Variants in TRIP12 observed in about 807,000 individuals in gnomAD.
TRIP12 encodes the protein E3 ubiquitin-protein ligase TRIP12.
In TRIP12, 25 loss-of-function variants were observed where a neutral mutation model predicts 244.2. The observed-to-expected ratio is 0.10, with a 90% CI of 0.07 to 0.14. The LOEUF is 0.14. Ranked by LOEUF, TRIP12 falls within the 10% of genes least tolerant of loss-of-function variation. The probability of loss-of-function intolerance (pLI) is 1.00; values close to 1 mark genes in which losing one functional copy is unlikely to be tolerated. For synonymous variants in TRIP12, 905 were observed against 873.1 expected (o/e 1.04, Z -0.64); for missense variants, 1,677 against 2,486.4 (o/e 0.67, Z 6.92).
chr2:229,811,253 C>T, intron 13 of TRIP12, 49 bp from the exon 14 acceptor site: 1 of 1,552,512 alleles, frequency 6.4e-7, no homozygotes, highest in Non-Finnish European at 8.8e-7. Flanking sequence ...AAAGCATTTT[C>T]ACTGTCATGT....
rs775978770 is a variant in TRIP12, at chr2:229,778,568, C to T, written c.5229G>A (p.Lys1743=). ...ACAGGCCCTGGAGGTTTTGAATATA[C>T]TTGGTCCCTTCTTGGCTCCCTGAAA... ...SNPKGSQEGT[K]YIQNLQGLFA... is the part of the protein sequence containing the mutation. The change falls in exon 36 of 42, where the codon AAG becomes AAA. Residue 1743 remains lysine (K), a synonymous_variant. Transcript: ENST00000675903. The surrounding 1 kb of genome is among the most constrained non-coding windows in gnomAD (Gnocchi z 4.1). 26 of 1,613,806 alleles carry T rather than the reference C, an allele frequency of 1.6e-5. 1 individual carries two copies. The highest frequency in any genetic ancestry group is 7.7e-5 in the South Asian group (7 of 91,052).
At chr2:229,920,298 C>A (rs1290220731) in intron 1 of TRIP12, among the ~76,000 whole-genome samples, 2 of 152,130 alleles carry the variant, frequency 1.3e-5, no homozygotes, top group East Asian at 3.9e-4. Flanking sequence ...TCGAGAGGAA[C>A]ATAAAGTTAA....
intron 1 of TRIP12, among the ~76,000 whole-genome samples, chr2:229,882,785 G>A (rs536982654): frequency 2.6e-5 from 4 of 152,290 alleles, no homozygotes; most frequent in African/African-American, 9.6e-5. Context: ...AACTAAGTCA[G>A]GCTAGTTGTT....
At chr2:229,867,428 G>A (rs1388672215) in intron 2 of TRIP12, among the ~76,000 whole-genome samples, 2 of 152,016 alleles carry the variant, frequency 1.3e-5, no homozygotes, top group African/African-American at 4.8e-5. Context: ...AGCTTCCCAA[G>A]TTGTGGGATT....
intron 2 of TRIP12, among the ~76,000 whole-genome samples, chr2:229,864,004 AAGAGAGAGAGAGAGAG>A (rs1163408528): frequency 2.5e-5 from 2 of 81,346 alleles, no homozygotes. Context: ...ATTTGGGTGA[AAGAGAGAGAGAGAGAG>A]AGAGAGAGAG....
chr2:229,824,497 CT>C (rs2050962280), intron 8 of TRIP12, among the ~76,000 whole-genome samples: 1 of 152,090 alleles, frequency 6.6e-6, no homozygotes, highest in African/African-American at 2.4e-5. Context: ...CTACATTTCA[CT>C]GAAGCCTTGC....
intron 5 of TRIP12, among the ~76,000 whole-genome samples, chr2:229,838,558 T>C (rs569472534): frequency 6.6e-6 from 1 of 152,332 alleles, no homozygotes; most frequent in East Asian, 1.9e-4. Context: ...GGAGAGACGG[T>C]TGCAGAGAAC....
At chr2:229,843,063 T>TCC (rs1246783941) in intron 4 of TRIP12, among the ~76,000 whole-genome samples, 1 of 141,038 alleles carries the variant, frequency 7.1e-6, no homozygotes, top group Non-Finnish European at 1.5e-5. Context: ...TCTCTCTCTC[T>TCC]CCCCCACTCC....
intron 1 of TRIP12, among the ~76,000 whole-genome samples, chr2:229,911,626 G>A (rs551922679): frequency 6.6e-6 from 1 of 152,132 alleles, no homozygotes; most frequent in South Asian, 2.1e-4. Context: ...CTGTGATGAT[G>A]GTATGCTAAT....
intron 4 of TRIP12, among the ~76,000 whole-genome samples, chr2:229,849,531 G>A (rs1438523717): frequency 1.3e-5 from 2 of 152,168 alleles, no homozygotes; most frequent in Admixed American, 6.5e-5. Context: ...ATCAGCCACA[G>A]AAAAGGGCAA....
intron 32 of TRIP12, among the ~76,000 whole-genome samples, chr2:229,788,474 C>A (rs2040624081): frequency 6.6e-6 from 1 of 152,174 alleles, no homozygotes; most frequent in Non-Finnish European, 1.5e-5. Flanking sequence ...GTTCTAGAGT[C>A]CCTGACCCAA....
intron 1 of TRIP12, among the ~76,000 whole-genome samples, chr2:229,894,778 T>G (rs2068326460): frequency 1.3e-5 from 2 of 152,332 alleles, no homozygotes; most frequent in African/African-American, 4.8e-5. Flanking sequence ...TTAACGTGCC[T>G]AAGAATTACC....
At chr2:229,795,039 G>A (rs973869360) in intron 26 of TRIP12, 140 bp downstream of exon 26, 1 of 922,812 alleles carries the variant, frequency 1.1e-6, no homozygotes, top group Non-Finnish European at 1.6e-6. Flanking sequence ...TCATTCTTTA[G>A]AGTGCTTAAT....
At chr2:229,902,769 G>C (rs1204672648) in intron 1 of TRIP12, among the ~76,000 whole-genome samples, 1 of 152,136 alleles carries the variant, frequency 6.6e-6, no homozygotes, top group African/African-American at 2.4e-5. Flanking sequence ...AGGGCATCCA[G>C]ACTTAAAAGG....
upstream of TRIP12, chr2:229,922,345 C>A (rs12993164): frequency 3.2e-6 from 2 of 621,660 alleles, no homozygotes; most frequent in Non-Finnish European, 5.6e-6. Context: ...GGAAATTTCA[C>A]GGATCAGGGT....
intron 2 of TRIP12, among the ~76,000 whole-genome samples, chr2:229,874,468 G>A (rs1453027105): frequency 6.6e-6 from 1 of 152,100 alleles, no homozygotes; most frequent in Admixed American, 6.5e-5. Flanking sequence ...ATAGGCATAA[G>A]CAATATTTTT....
chr2:229,831,630 CAAAACAA>C (rs2053414200), intron 6 of TRIP12, among the ~76,000 whole-genome samples: 1 of 151,888 alleles, frequency 6.6e-6, no homozygotes, highest in Non-Finnish European at 1.5e-5. Flanking sequence ...GACTCTGTCT[CAAAACAA>C]AAACAAGAAG....
chr2:229,794,267 A>G (rs1307288120), intron 26 of TRIP12, among the ~76,000 whole-genome samples: 1 of 152,158 alleles, frequency 6.6e-6, no homozygotes, highest in Non-Finnish European at 1.5e-5. Context: ...AAACGTCAAA[A>G]TGTGGATTTA....
chr2:229,922,529 C>A (rs769314957), upstream of TRIP12: 51 of 1,613,554 alleles, frequency 3.2e-5, no homozygotes, highest in Non-Finnish European at 4.0e-5. Context: ...GTCGTGGCTG[C>A]CGGAGACTCT....
Sources: gnomAD v4.1 joint callset for allele counts (sites outside exome capture counted in the v4.1 genomes callset) on GRCh38, gnomAD v4.1.1 for gene constraint, Gnocchi (gnomAD v3.1) non-coding constraint, MANE v1.5 for transcripts, NCBI Gene and HGNC (gene_info 2026-07-23, HGNC 2026-07-21) for gene names.